Variants in MAD1L1 observed in about 807,000 individuals in gnomAD.
MAD1L1 encodes mitotic spindle assembly checkpoint protein MAD1.
Under a neutral mutation model 96.9 loss-of-function variants are expected in MAD1L1, and 95 were observed. The ratio of observed to expected loss-of-function variants is 0.98; its 90% CI spans 0.83 to 1.16. The LOEUF (loss-of-function observed/expected upper bound fraction) is 1.16, where lower values mean the gene tolerates loss of function less well. MAD1L1 is among the 50% of genes most tolerant of loss of function. MAD1L1 has a pLI of 0.00. For missense variants in MAD1L1, 1,007 were observed against 954.4 expected, an observed-to-expected ratio of 1.06 and a Z score of -0.73; for synonymous variants, 473 against 396.6, an observed-to-expected ratio of 1.19 and a Z score of -2.29.
chr7:2,151,852 G>A (rs567906219), intron 10 of MAD1L1, among the ~76,000 whole-genome samples: 17 of 152,316 alleles, frequency 1.1e-4, no homozygotes, highest in Non-Finnish European at 2.1e-4. Context: ...AGTCTCCTAC[G>A]TCACCCAGGA....
chr7:1,857,783 C>T lies in MAD1L1; in HGVS notation c.1998+40417G>A, dbSNP rs376975540. On this transcript the variant is annotated intron_variant, in intron 18 of 18. Transcript: ENST00000265854. Reference sequence around the variant, plus strand: ...TGAGGCCTGCCCGGCTAGGCCAGCACGACGCCCCCTCTGAGGCTCTGATGT... The same window carrying T: ...TGAGGCCTGCCCGGCTAGGCCAGCATGACGCCCCCTCTGAGGCTCTGATGT... Among the ~76,000 whole-genome samples the T allele has an allele frequency of 4.6e-5, 7 of 152,354 alleles. No individual in the cohort carries two copies. In the East Asian group the frequency reaches 5.8e-4, roughly 13 times the overall value.
chr7:1,932,457 C>A (rs1789536418), intron 17 of MAD1L1, among the ~76,000 whole-genome samples: 1 of 152,216 alleles, frequency 6.6e-6, no homozygotes. Context: ...GGCCTTGAAC[C>A]CTGCAGATGC....
chr7:2,209,626 T>C (rs559166147), intron 10 of MAD1L1, among the ~76,000 whole-genome samples: 8 of 152,226 alleles, frequency 5.3e-5, no homozygotes, highest in Non-Finnish European at 1.0e-4. Flanking sequence ...GGGAAGCTGC[T>C]GTGGGAAGGA....
intron 1 of MAD1L1, among the ~76,000 whole-genome samples, chr7:2,231,404 C>A (rs539849879): frequency 8.0e-4 from 121 of 152,156 alleles, no homozygotes; most frequent in Middle Eastern, 3.4e-3. Context: ...CAGATCACCA[C>A]AGGTCAGGAG....
intron 11 of MAD1L1, among the ~76,000 whole-genome samples, chr7:2,097,947 G>C (rs73034443): frequency 0.027 from 4,115 of 152,338 alleles, 97 homozygotes; most frequent in South Asian, 0.089. Flanking sequence ...AGGTCTCCCA[G>C]ACCAACGGGG....
intron 13 of MAD1L1, 133 bp downstream of exon 13, chr7:2,014,369 C>G: frequency 8.0e-7 from 1 of 1,242,628 alleles, no homozygotes; most frequent in Non-Finnish European, 1.1e-6. Context: ...GACACCCTCC[C>G]TGACAGACAC....
chr7:2,114,729 C>T lies in MAD1L1; in HGVS notation c.1073+34423G>A, dbSNP rs1481337834. Among the ~76,000 whole-genome samples, 1 of 152,224 alleles carries T rather than the reference C, an allele frequency of 6.6e-6. No individual in the cohort carries two copies. Among genetic ancestry groups the T allele is most frequent in the Non-Finnish European group, 1.5e-5 (1 of 68,050 alleles). On this transcript the variant is annotated intron_variant, in intron 11 of 18. Transcript: ENST00000265854. This position sits in a 1 kb window ranked among gnomAD's most constrained non-coding sequence, Gnocchi z 4.2. ...CCACCCAGAATCAAATACGAATCGC[C>T]GCTGCCGCTCTCACAGCACGATGGC...
chr7:1,828,736 T>TGCACACAC (rs1782556489), intron 18 of MAD1L1, among the ~76,000 whole-genome samples: 1 of 151,954 alleles, frequency 6.6e-6, no homozygotes, highest in African/African-American at 2.4e-5. Flanking sequence ...CACGCACACA[T>TGCACACAC]GCACACACAG....
chr7:2,033,009 T>C (rs1340847234), intron 12 of MAD1L1, among the ~76,000 whole-genome samples: 1 of 152,268 alleles, frequency 6.6e-6, no homozygotes, highest in East Asian at 1.9e-4. Context: ...ACGTGTCTAC[T>C]GCCTTCTTGG....
At chr7:2,069,404 C>G in intron 11 of MAD1L1, 66 bp from the exon 12 acceptor site, 1 of 1,438,448 alleles carries the variant, frequency 7.0e-7, no homozygotes. Flanking sequence ...AAGCCCCGCC[C>G]CACCCCAGGA....
chr7:1,970,126 G>C (rs1440488308), intron 15 of MAD1L1, among the ~76,000 whole-genome samples: 2 of 152,124 alleles, frequency 1.3e-5, no homozygotes, highest in Admixed American at 6.5e-5. Context: ...TGTAGGACTG[G>C]GCTGGAAAAA....
chr7:1,900,644 C>T (rs897843077), intron 17 of MAD1L1, among the ~76,000 whole-genome samples: 1 of 152,184 alleles, frequency 6.6e-6, no homozygotes, highest in Non-Finnish European at 1.5e-5. Flanking sequence ...GGAATTGCCA[C>T]GTGCACAAGG....
At chr7:2,225,678 G>T in intron 3 of MAD1L1, 128 bp from the exon 4 acceptor site, 1 of 1,040,212 alleles carries the variant, frequency 9.6e-7, no homozygotes, top group Non-Finnish European at 1.4e-6. Flanking sequence ...GTCTTGATGT[G>T]GCCCAGCCAC....
intron 17 of MAD1L1, among the ~76,000 whole-genome samples, chr7:1,919,455 C>T (rs1788634606): frequency 6.6e-6 from 1 of 152,240 alleles, no homozygotes; most frequent in Non-Finnish European, 1.5e-5. Flanking sequence ...GCCTGCCGTC[C>T]TCGCTGGGGA....
At chr7:2,079,932 G>A (rs1785555039) in intron 11 of MAD1L1, 1 of 366,742 alleles carries the variant, frequency 2.7e-6, no homozygotes, top group Middle Eastern at 1.0e-3. Context: ...GGTGCCTGGA[G>A]TGACGCAGAG....
chr7:2,128,897 C>A (rs527548280), intron 11 of MAD1L1, among the ~76,000 whole-genome samples: 2 of 152,212 alleles, frequency 1.3e-5, no homozygotes, highest in Admixed American at 6.5e-5. Context: ...AGGCTTCCCA[C>A]GCGGCAGTCA....
chr7:2,070,594 C>T (rs1359559366), intron 11 of MAD1L1, among the ~76,000 whole-genome samples: 3 of 152,238 alleles, frequency 2.0e-5, no homozygotes, highest in Admixed American at 1.3e-4. Context: ...CCCAGGCAGG[C>T]GCAGAGCGGA....
intron 12 of MAD1L1, among the ~76,000 whole-genome samples, chr7:2,064,191 G>A (rs925032483): frequency 1.3e-5 from 2 of 152,208 alleles, no homozygotes; most frequent in South Asian, 4.1e-4. Context: ...AGGCAGCCGA[G>A]TGAATACACA....
rs569920358 is a variant in MAD1L1 at position 1,819,493 on chromosome 7, G to C, written c.1999-3265C>G. On this transcript the variant is annotated intron_variant, in intron 18 of 18. Coordinates refer to ENST00000265854, the MANE Select transcript of MAD1L1 (RefSeq NM_001013836.2). Reference sequence around the variant, plus strand: ...GGGCTCACCTGCCCCTCTGGAAGCAGAGAGGGCCTGCCCTGGAGGGCCGGG... The same window carrying C: ...GGGCTCACCTGCCCCTCTGGAAGCACAGAGGGCCTGCCCTGGAGGGCCGGG... 9.8e-5 allele frequency among the ~76,000 whole-genome samples: 15 copies of C among 152,330 alleles called. No homozygotes were observed. The East Asian group carries it at 2.9e-3, about 29-fold the overall frequency.
Sources: allele counts gnomAD v4.1 joint callset (sites outside exome capture counted in the v4.1 genomes callset), GRCh38; gene constraint gnomAD v4.1.1; non-coding constraint Gnocchi (gnomAD v3.1); transcripts MANE v1.5; gene names NCBI Gene and HGNC (gene_info 2026-07-23, HGNC 2026-07-21).